The following EIF4G3 variants were observed in gnomAD, a reference collection of about 807,000 sequenced individuals.
The protein encoded by EIF4G3 is eukaryotic translation initiation factor 4 gamma 3.
A neutral mutation model predicts 186.4 loss-of-function variants in EIF4G3; 34 were observed. The observed-to-expected ratio is 0.18, with a 90% CI of 0.14 to 0.24. The LOEUF is 0.24. Among genes scored for constraint, EIF4G3 ranks in the 10% least tolerant of loss-of-function variants. EIF4G3 has a pLI of 1.00. For missense variants in EIF4G3, 1,536 were observed against 1,948.5 expected (o/e 0.79, Z 3.99); for synonymous variants, 673 against 679.5 (o/e 0.99, Z 0.15).
intron 23 of EIF4G3, among the ~76,000 whole-genome samples, chr1:20,861,404 CAAAA>C (rs956766724): frequency 6.6e-6 from 1 of 151,400 alleles, no homozygotes; most frequent in Non-Finnish European, 1.5e-5. Flanking sequence ...AACAAAAAAA[CAAAA>C]AAAACCCAGC....
At chr1:20,840,255 A>C (rs2154549142) in intron 30 of EIF4G3, among the ~76,000 whole-genome samples, 1 of 152,368 alleles carries the variant, frequency 6.6e-6, no homozygotes, top group South Asian at 2.1e-4. Context: ...CAAATATACC[A>C]GAACCTGATC....
intron 12 of EIF4G3, 102 bp from the exon 13 acceptor site, chr1:20,950,213 T>C (rs1573385455): frequency 4.3e-6 from 3 of 702,840 alleles, no homozygotes; most frequent in South Asian, 2.9e-5. Flanking sequence ...GCACAGGAGA[T>C]CACAAAATTA....
chr1:20,816,419 G>A (rs1389785981), intron 34 of EIF4G3, among the ~76,000 whole-genome samples: 2 of 117,734 alleles, frequency 1.7e-5, no homozygotes, highest in African/African-American at 3.2e-5. Flanking sequence ...AGGTGGGGGC[G>A]CCTCTGCCCG....
At chr1:20,940,361 G>A (rs889102911) in intron 14 of EIF4G3, among the ~76,000 whole-genome samples, 11 of 152,280 alleles carry the variant, frequency 7.2e-5, no homozygotes, top group East Asian at 1.9e-4. Context: ...TTCCTGTGCT[G>A]GCTCATGGTG....
intron 4 of EIF4G3, among the ~76,000 whole-genome samples, chr1:21,023,403 CG>C: frequency 6.7e-6 from 1 of 150,236 alleles, no homozygotes; most frequent in Non-Finnish European, 1.5e-5. Flanking sequence ...CGAGTGCCTG[CG>C]ATTGCAGGCA....
intron 13 of EIF4G3, among the ~76,000 whole-genome samples, chr1:20,947,360 GA>G (rs1379949983): frequency 3.1e-5 from 4 of 128,146 alleles, no homozygotes; most frequent in East Asian, 4.6e-4. Context: ...GAAGAAAAAA[GA>G]AAAAAAAATC....
At chr1:21,070,216 G>A (rs942436100) in intron 3 of EIF4G3, among the ~76,000 whole-genome samples, 3 of 151,998 alleles carry the variant, frequency 2.0e-5, no homozygotes, top group Non-Finnish European at 4.4e-5. Context: ...ATATCAGGCA[G>A]TGGCAACTAA....
Position 21,168,440 on chromosome 1 carries a change from T to G in EIF4G3, c.-272+7735A>C, listed in dbSNP as rs187946179. On this transcript the variant is annotated intron_variant, in intron 2 of 36. Transcript: ENST00000602326. ...AAAAAAAAGTATCTCTTTTTATTTT[T>G]GGGGGACAGTCTTGCCCTTTCACCC... Among the ~76,000 whole-genome samples the G allele has an allele frequency of 1.3e-3, 204 of 152,050 alleles. 1 individual carries two copies. Among genetic ancestry groups the G allele is most frequent in the Middle Eastern group, 3.4e-3 (1 of 292 alleles).
chr1:20,939,259 G>C (rs1311824263), intron 14 of EIF4G3, among the ~76,000 whole-genome samples: 1 of 151,392 alleles, frequency 6.6e-6, no homozygotes, highest in Non-Finnish European at 1.5e-5. Flanking sequence ...CAGGAGACTA[G>C]AAAAATGCCA....
At chr1:21,102,322 C>T (rs1439203094) in intron 2 of EIF4G3, among the ~76,000 whole-genome samples, 1 of 152,090 alleles carries the variant, frequency 6.6e-6, no homozygotes, top group African/African-American at 2.4e-5. Context: ...AAACAGGTAG[C>T]CAGCCAGTGG....
intron 11 of EIF4G3, among the ~76,000 whole-genome samples, chr1:20,971,006 ATAAT>A (rs2075783060): frequency 6.6e-6 from 1 of 152,236 alleles, no homozygotes; most frequent in Admixed American, 6.5e-5. Flanking sequence ...CTGACACAGA[ATAAT>A]CATTAAGATG....
rs537575631 is a variant in EIF4G3, at chr1:20,884,520, G to T, written c.2424+1681C>A. Among the ~76,000 whole-genome samples the T allele has an allele frequency of 1.2e-3, 185 of 152,260 alleles. 1 individual carries two copies. Among genetic ancestry groups the T allele is most frequent in the African/African-American group, 4.2e-3 (175 of 41,544 alleles). ...TAGGAAGTTTTAACTATCTTTATAA[G>T]CCATTTAGGCCCATTATCATTAAGC... On this transcript the variant is annotated intron_variant, in intron 19 of 36. Transcript: ENST00000602326.
At chr1:21,130,690 A>T (rs1266809299) in intron 2 of EIF4G3, among the ~76,000 whole-genome samples, 1 of 152,172 alleles carries the variant, frequency 6.6e-6, no homozygotes, top group African/African-American at 2.4e-5. Flanking sequence ...CCTTTAGTGA[A>T]GAGAAAAAAG....
intron 3 of EIF4G3, among the ~76,000 whole-genome samples, chr1:21,077,960 TAAG>T (rs1220414110): frequency 6.7e-6 from 1 of 148,302 alleles, no homozygotes; most frequent in Non-Finnish European, 1.5e-5. Context: ...GCTGGGAACA[TAAG>T]TTAGTAAGGC....
intron 7 of EIF4G3, among the ~76,000 whole-genome samples, chr1:20,995,743 A>G (rs1226061115): frequency 3.3e-5 from 5 of 152,202 alleles, no homozygotes; most frequent in African/African-American, 1.2e-4. Flanking sequence ...AAAATCCACC[A>G]AAATAATTGT....
intron 29 of EIF4G3, among the ~76,000 whole-genome samples, chr1:20,846,855 C>A (rs975887182): frequency 1.3e-5 from 2 of 152,130 alleles, no homozygotes; most frequent in African/African-American, 4.8e-5. Context: ...TTTAGAGTTA[C>A]CGTGAGGAAT....
chr1:20,871,711 T>C (rs2079238681), intron 20 of EIF4G3, among the ~76,000 whole-genome samples: 1 of 152,228 alleles, frequency 6.6e-6, no homozygotes, highest in Non-Finnish European at 1.5e-5. Context: ...TATGCCAGCA[T>C]TGCTGAAACA....
intron 33 of EIF4G3, among the ~76,000 whole-genome samples, chr1:20,823,513 C>T (rs899103104): frequency 6.6e-6 from 1 of 152,054 alleles, no homozygotes; most frequent in Non-Finnish European, 1.5e-5. Context: ...TCTCGAGTAG[C>T]TTACGACTAC....
intron 12 of EIF4G3, among the ~76,000 whole-genome samples, chr1:20,961,152 A>T (rs939892751): frequency 6.6e-6 from 1 of 152,188 alleles, no homozygotes; most frequent in African/African-American, 2.4e-5. Context: ...TGGGAGGCCG[A>T]GGTGGGCGGA....
Sources: gnomAD v4.1 joint callset for allele counts (sites outside exome capture counted in the v4.1 genomes callset) on GRCh38, gnomAD v4.1.1 for gene constraint, MANE v1.5 for transcripts, NCBI Gene and HGNC (gene_info 2026-07-23, HGNC 2026-07-21) for gene names.